The following ADCK1 variants were observed in gnomAD, a reference collection of about 807,000 sequenced individuals.
ADCK1 encodes the protein aarF domain containing kinase 1.
In ADCK1, 41 loss-of-function variants were observed where a neutral mutation model predicts 52.3. The ratio of observed to expected loss-of-function variants is 0.78; its 90% CI spans 0.61 to 1.02. The LOEUF is 1.02. Ranked by LOEUF, ADCK1 falls within the 50% of genes least tolerant of loss-of-function variation. The pLI, the probability that ADCK1 is intolerant of heterozygous loss-of-function variation, is 0.00. For missense variants in ADCK1, 658 were observed against 679.5 expected (o/e 0.97, Z 0.35); for synonymous variants, 250 against 274.6 (o/e 0.91, Z 0.89).
intron 5 of ADCK1, among the ~76,000 whole-genome samples, chr14:77,891,012 G>A (rs1441863575): frequency 2.6e-5 from 4 of 152,138 alleles, no homozygotes; most frequent in Admixed American, 6.5e-5. Context: ...CCTTTGTTTC[G>A]AGCCCAGTGG....
intron 3 of ADCK1, among the ~76,000 whole-genome samples, chr14:77,858,716 A>G (rs1027174639): frequency 1.2e-4 from 18 of 152,174 alleles, no homozygotes; most frequent in Admixed American, 2.6e-4. Context: ...GGTGGCAAAT[A>G]CTTTAACTCT....
chr14:77,814,019 C>T (rs562909776), intron 1 of ADCK1, among the ~76,000 whole-genome samples: 18 of 151,526 alleles, frequency 1.2e-4, no homozygotes, highest in African/African-American at 3.1e-4. Flanking sequence ...CCGCCTGCCT[C>T]GGCCTCCCAA....
chr14:77,857,390 T>C (rs1052716429), intron 3 of ADCK1, among the ~76,000 whole-genome samples: 1 of 152,188 alleles, frequency 6.6e-6, no homozygotes, highest in African/African-American at 2.4e-5. Context: ...AGTCAGGGTA[T>C]TTAGGGTAGC....
chr14:77,931,434 G>A (rs986119227), intron 9 of ADCK1, 84 bp from the exon 10 acceptor site: 7 of 1,422,552 alleles, frequency 4.9e-6, no homozygotes, highest in Non-Finnish European at 6.7e-6. Context: ...GCAGCCCTCT[G>A]GTCACAGCCT....
intron 4 of ADCK1, among the ~76,000 whole-genome samples, chr14:77,880,663 T>C (rs2083003227): frequency 6.6e-6 from 1 of 152,162 alleles, no homozygotes; most frequent in Non-Finnish European, 1.5e-5. Context: ...CTGATCACCA[T>C]GGTCACATCA....
intron 1 of ADCK1, among the ~76,000 whole-genome samples, chr14:77,814,695 C>CAAAAAAAAAA (rs995163952): frequency 5.0e-4 from 18 of 35,910 alleles, no homozygotes; most frequent in Non-Finnish European, 4.4e-4. Flanking sequence ...AAGACACTCT[C>CAAAAAAAAAA]AAAAAAAAAA....
chr14:77,817,406 T>C (rs12890728), intron 1 of ADCK1, among the ~76,000 whole-genome samples: 115,557 of 151,836 alleles, frequency 0.76, 44,280 homozygotes, highest in Admixed American at 0.85. Context: ...GGTGGCGTGC[T>C]GCTGCTCTCG....
chr14:77,911,984 G>A (rs774302810), intron 7 of ADCK1, among the ~76,000 whole-genome samples: 4 of 152,122 alleles, frequency 2.6e-5, no homozygotes, highest in Admixed American at 6.5e-5. Context: ...GCTCCCTGGC[G>A]AGCTCTCTCA....
At chr14:77,896,539 G>T (rs563668854) in intron 5 of ADCK1, among the ~76,000 whole-genome samples, 1 of 152,350 alleles carries the variant, frequency 6.6e-6, no homozygotes, top group African/African-American at 2.4e-5. Context: ...AGGTGACTTA[G>T]ATGGCATGGC....
At chr14:77,911,409 C>T (rs964734927) in intron 7 of ADCK1, among the ~76,000 whole-genome samples, 4 of 152,238 alleles carry the variant, frequency 2.6e-5, no homozygotes, top group Admixed American at 6.5e-5. Context: ...CCTTGGGCTG[C>T]TGGAACCTGG....
chr14:77,827,718 T>A, intron 3 of ADCK1: 2 of 298,320 alleles, frequency 6.7e-6, no homozygotes, highest in Non-Finnish European at 1.3e-5. Flanking sequence ...TGCAGAGAGG[T>A]TTGGATGGTG....
At chr14:77,909,527 G>T (rs1566726696) in intron 7 of ADCK1, among the ~76,000 whole-genome samples, 1 of 152,188 alleles carries the variant, frequency 6.6e-6, no homozygotes, top group African/African-American at 2.4e-5. Flanking sequence ...TTGGCCCACA[G>T]GAGAAAGCCA....
intron 1 of ADCK1, among the ~76,000 whole-genome samples, chr14:77,807,220 C>A (rs1287982624): frequency 2.0e-5 from 3 of 151,984 alleles, no homozygotes; most frequent in African/African-American, 7.2e-5. Context: ...AGGCGCCCGC[C>A]ACCACGCCCG....
At chr14:77,848,092 T>TG (rs756719522) in intron 3 of ADCK1, among the ~76,000 whole-genome samples, 12 of 152,084 alleles carry the variant, frequency 7.9e-5, no homozygotes, top group African/African-American at 1.9e-4. Flanking sequence ...TAAATAGAGA[T>TG]GGGGGTCTCA....
At chr14:77,855,041 A>C (rs993535439) in intron 3 of ADCK1, among the ~76,000 whole-genome samples, 1 of 152,110 alleles carries the variant, frequency 6.6e-6, no homozygotes, top group Non-Finnish European at 1.5e-5. Flanking sequence ...CCCTGCCTTG[A>C]CCTTTCCTTC....
intron 4 of ADCK1, among the ~76,000 whole-genome samples, chr14:77,859,480 T>C (rs918229364): frequency 3.3e-5 from 5 of 152,194 alleles, no homozygotes; most frequent in Admixed American, 1.3e-4. Context: ...TTCAACCATA[T>C]GAAATAGTTC....
intron 3 of ADCK1, among the ~76,000 whole-genome samples, chr14:77,829,627 A>C (rs778601024): frequency 9.3e-5 from 14 of 151,268 alleles, no homozygotes; most frequent in Non-Finnish European, 1.9e-4. Flanking sequence ...TTATATCTCC[A>C]ATTTTAGTCC....
intron 5 of ADCK1, among the ~76,000 whole-genome samples, chr14:77,893,330 C>T (rs1241364250): frequency 1.3e-5 from 2 of 152,048 alleles, no homozygotes; most frequent in Admixed American, 6.6e-5. Context: ...GCTTAGCGGG[C>T]CATATCTCAC....
chr14:77,800,705 T>C (rs959138398), intron 1 of ADCK1, among the ~76,000 whole-genome samples: 4 of 152,244 alleles, frequency 2.6e-5, no homozygotes, highest in African/African-American at 9.6e-5. Flanking sequence ...GATCACACAG[T>C]AGATATGTGC....
Sources: gnomAD v4.1 joint callset for allele counts (sites outside exome capture counted in the v4.1 genomes callset) on GRCh38, gnomAD v4.1.1 for gene constraint, MANE v1.5 for transcripts, NCBI Gene and HGNC (gene_info 2026-07-23, HGNC 2026-07-21) for gene names.